Variants in ALCAM observed in about 807,000 individuals in gnomAD.
ALCAM encodes the protein activated leukocyte cell adhesion molecule, also known as CD166 antigen.
A neutral mutation model predicts 70.9 loss-of-function variants in ALCAM; 30 were observed. That is an observed-to-expected ratio of 0.42 (90% confidence interval 0.32 to 0.57). The LOEUF (loss-of-function observed/expected upper bound fraction) is 0.57, where lower values mean the gene tolerates loss of function less well. Ranked by LOEUF, ALCAM falls within the 20% of genes least tolerant of loss-of-function variation. The pLI is 0.11. For synonymous variants in ALCAM, 249 were observed against 242.5 expected (o/e 1.03, Z -0.25); for missense variants, 591 against 695.1 (o/e 0.85, Z 1.68).
chr3:105,448,072 G>A (rs1937339612), intron 1 of ALCAM, among the ~76,000 whole-genome samples: 1 of 152,120 alleles, frequency 6.6e-6, no homozygotes, highest in Non-Finnish European at 1.5e-5. Context: ...TTGGGATTAT[G>A]ATTTCTAATG....
intron 1 of ALCAM, among the ~76,000 whole-genome samples, chr3:105,450,942 T>A (rs766050242): frequency 6.6e-6 from 1 of 151,894 alleles, no homozygotes; most frequent in Non-Finnish European, 1.5e-5. Context: ...TTTTAATTAA[T>A]CAATTCCAAA....
At chr3:105,429,736 C>A (rs1936880012) in intron 1 of ALCAM, among the ~76,000 whole-genome samples, 1 of 151,766 alleles carries the variant, frequency 6.6e-6, no homozygotes, top group South Asian at 2.1e-4. Flanking sequence ...AAATAGTATG[C>A]AACTATTCAT....
chr3:105,566,357 G>T (rs1259323976), intron 14 of ALCAM, among the ~76,000 whole-genome samples: 1 of 152,122 alleles, frequency 6.6e-6, no homozygotes, highest in East Asian at 1.9e-4. Context: ...AGTTCTGTCA[G>T]TTTTTACTTT....
At chr3:105,564,068 T>C (rs984976450) in intron 14 of ALCAM, among the ~76,000 whole-genome samples, 7 of 152,170 alleles carry the variant, frequency 4.6e-5, no homozygotes, top group African/African-American at 1.2e-4. Context: ...ATTTATTTTT[T>C]GGCCTAGCAT....
chr3:105,460,025 G>A (rs1215855401), intron 1 of ALCAM, among the ~76,000 whole-genome samples: 1 of 152,022 alleles, frequency 6.6e-6, no homozygotes, highest in East Asian at 1.9e-4. Context: ...AATTCAAGAA[G>A]CATCTAGGTG....
intron 1 of ALCAM, among the ~76,000 whole-genome samples, chr3:105,431,636 T>C (rs920379416): frequency 2.0e-5 from 3 of 152,040 alleles, no homozygotes; most frequent in African/African-American, 7.3e-5. Context: ...AAATATAGTG[T>C]CTACAGGAAA....
intron 1 of ALCAM, among the ~76,000 whole-genome samples, chr3:105,503,632 C>CT (rs1427963808): frequency 6.6e-6 from 1 of 152,178 alleles, no homozygotes; most frequent in African/African-American, 2.4e-5. Context: ...CACTGCCATC[C>CT]TTAAAATGAA....
At chr3:105,428,661 C>T (rs1044997364) in intron 1 of ALCAM, among the ~76,000 whole-genome samples, 2 of 151,880 alleles carry the variant, frequency 1.3e-5, no homozygotes, top group Non-Finnish European at 1.5e-5. Context: ...ATTTATGTAT[C>T]TCTCAATAAG....
chr3:105,381,620 A>G (rs926626682), intron 1 of ALCAM, among the ~76,000 whole-genome samples: 1 of 151,964 alleles, frequency 6.6e-6, no homozygotes, highest in African/African-American at 2.4e-5. Context: ...TGCAGCCTAT[A>G]GTTTACAGTG....
chr3:105,488,569 G>A (rs575023895), intron 1 of ALCAM, among the ~76,000 whole-genome samples: 2 of 151,804 alleles, frequency 1.3e-5, no homozygotes, highest in East Asian at 3.9e-4. Flanking sequence ...TAATGTGTGG[G>A]AAAAGAGTGA....
chr3:105,385,064 T>C (rs1559772677), intron 1 of ALCAM, among the ~76,000 whole-genome samples: 1 of 151,714 alleles, frequency 6.6e-6, no homozygotes, highest in Admixed American at 6.6e-5. Flanking sequence ...AGACAAATAC[T>C]GTCTAGTTCC....
chr3:105,540,724 A>T (rs770594141), intron 7 of ALCAM, among the ~76,000 whole-genome samples: 1 of 152,020 alleles, frequency 6.6e-6, no homozygotes, highest in Admixed American at 6.6e-5. Context: ...TTGCTCTCGC[A>T]TATCTTTGTG....
intron 1 of ALCAM, among the ~76,000 whole-genome samples, chr3:105,401,871 G>A (rs1041546474): frequency 5.9e-5 from 9 of 151,810 alleles, no homozygotes; most frequent in African/African-American, 2.2e-4. Flanking sequence ...GAATAATTGA[G>A]TCTAACCACA....
In ALCAM at chr3:105,533,687, G is replaced by A; in HGVS notation, c.544G>A (p.Gly182Arg). 6.2e-7 allele frequency: 1 copy of A among 1,610,858 alleles called. No individual in the cohort carries two copies. The highest frequency in any genetic ancestry group is 2.2e-5 in the East Asian group (1 of 44,788). Reference protein sequence around the residue: ...RNGKVLHPLEGAVVIIFKKEM... With the variant: ...RNGKVLHPLERAVVIIFKKEM... ...TGGAAAAGTGCTACATCCCCTTGAAGGAGGTGGGTGTGAGGGCAGGAGGAC... is the reference window on the plus strand; with the variant it reads ...TGGAAAAGTGCTACATCCCCTTGAAAGAGGTGGGTGTGAGGGCAGGAGGAC... Residue 182 changes from glycine to arginine, a missense_variant, in exon 5 of 16, where the codon GGA becomes AGA. By Grantham distance (125) the Gly-to-Arg change is moderately radical (BLOSUM62 -2). This residue lies in a region of ALCAM where 427 missense variants were observed against 450.4 expected (regional missense o/e 0.95). Transcript: ENST00000306107.
At chr3:105,565,810 G>A (rs530587236) in intron 14 of ALCAM, among the ~76,000 whole-genome samples, 1 of 152,270 alleles carries the variant, frequency 6.6e-6, no homozygotes, top group African/African-American at 2.4e-5. Flanking sequence ...ACTTGAAGAA[G>A]GAATCAAAGG....
intron 1 of ALCAM, among the ~76,000 whole-genome samples, chr3:105,500,244 C>CT (rs572465349): frequency 1.3e-4 from 20 of 152,154 alleles, no homozygotes; most frequent in African/African-American, 3.6e-4. Flanking sequence ...GAATGATGAA[C>CT]TTTTCCTGTA....
chr3:105,567,965 G>A (rs763749438), intron 14 of ALCAM, among the ~76,000 whole-genome samples: 33 of 151,790 alleles, frequency 2.2e-4, no homozygotes, highest in Non-Finnish European at 3.8e-4. Flanking sequence ...GTCACCTTGC[G>A]CTTGTGATGG....
At chr3:105,369,418 C>T (rs1935166616) in intron 1 of ALCAM, among the ~76,000 whole-genome samples, 1 of 152,218 alleles carries the variant, frequency 6.6e-6, no homozygotes, top group Non-Finnish European at 1.5e-5. Flanking sequence ...CAACCAGCCA[C>T]CGTGAATCTG....
chr3:105,481,005 CTAT>C (rs1938255573), intron 1 of ALCAM, among the ~76,000 whole-genome samples: 2 of 152,156 alleles, frequency 1.3e-5, no homozygotes, highest in East Asian at 3.9e-4. Flanking sequence ...TCTCATTGCC[CTAT>C]CTGTTGACCC....
Sources: allele counts gnomAD v4.1 joint callset (sites outside exome capture counted in the v4.1 genomes callset), GRCh38; gene constraint gnomAD v4.1.1; regional missense constraint gnomAD v4.1.1; transcripts MANE v1.5; gene names NCBI Gene and HGNC (gene_info 2026-07-23, HGNC 2026-07-21).